The following GRIA3 variants were observed in gnomAD, a reference collection of about 807,000 sequenced individuals.
GRIA3 encodes glutamate ionotropic receptor AMPA type subunit 3, also known as glutamate receptor 3.
A neutral mutation model predicts 63.0 loss-of-function variants in GRIA3; 3 were observed. The ratio of observed to expected loss-of-function variants is 0.05; its 90% confidence interval spans 0.02 to 0.12. The LOEUF (loss-of-function observed/expected upper bound fraction) is 0.12. GRIA3 is among the 10% of genes least tolerant of loss of function. GRIA3 has a pLI of 1.00. For missense variants in GRIA3, 347 were observed against 700.9 expected (o/e 0.50, Z 5.70); for synonymous variants, 274 against 257.9 (o/e 1.06, Z -0.60).
intron 4 of GRIA3, among the ~76,000 whole-genome samples, chrX:123,341,829 T>C (rs1415840681): frequency 1.8e-5 from 2 of 112,385 alleles, no homozygotes; most frequent in African/African-American, 6.5e-5. Flanking sequence ...AGCAGGCTTA[T>C]ACTTTAAAAA....
intron 5 of GRIA3, among the ~76,000 whole-genome samples, chrX:123,376,718 G>C (rs2045286622): frequency 9.0e-6 from 1 of 110,884 alleles, no homozygotes; most frequent in Admixed American, 9.6e-5. Flanking sequence ...TATATAGAGA[G>C]ATCAGTAGGG....
intron 5 of GRIA3, among the ~76,000 whole-genome samples, chrX:123,366,624 A>C (rs1462037495): frequency 8.9e-6 from 1 of 112,170 alleles, no homozygotes; most frequent in East Asian, 2.8e-4. Flanking sequence ...ATTCCACAAC[A>C]GTAAAGCAAA....
intron 11 of GRIA3, among the ~76,000 whole-genome samples, chrX:123,425,595 C>A (rs2045585293): frequency 8.9e-6 from 1 of 112,012 alleles, no homozygotes; most frequent in African/African-American, 3.2e-5. Flanking sequence ...AATGCATAAT[C>A]AAAACACCCT....
At chrX:123,331,899 C>T (rs2044943792) in intron 4 of GRIA3, among the ~76,000 whole-genome samples, 1 of 111,521 alleles carries the variant, frequency 9.0e-6, no homozygotes, top group Admixed American at 9.6e-5. Context: ...TTGTGAGGAT[C>T]AAATAAGATT....
At chrX:123,186,974 G>A (rs775551623) in intron 2 of GRIA3, among the ~76,000 whole-genome samples, 4 of 112,301 alleles carry the variant, frequency 3.6e-5, no homozygotes, top group Non-Finnish European at 7.5e-5. Context: ...GGAATGTTTC[G>A]TGAGAAAGAC....
chrX:123,361,437 CT>C (rs950579885), intron 5 of GRIA3: 7 of 111,632 alleles, frequency 6.3e-5, no homozygotes, highest in African/African-American at 2.3e-4. Context: ...AAAATTCCCC[CT>C]GGTCCCAAAT....
chrX:123,301,473 T>C (rs1312845350), intron 3 of GRIA3, among the ~76,000 whole-genome samples: 2 of 111,506 alleles, frequency 1.8e-5, no homozygotes, highest in African/African-American at 6.5e-5. Flanking sequence ...TCCTAATCTA[T>C]AGAATGGAGA....
intron 2 of GRIA3, among the ~76,000 whole-genome samples, chrX:123,219,109 T>C (rs1414806163): frequency 9.0e-6 from 1 of 111,451 alleles, no homozygotes; most frequent in Admixed American, 9.5e-5. Context: ...ACAGAGGAGG[T>C]GCCTTGGCTG....
At chrX:123,202,568 T>C in intron 2 of GRIA3, 1 of 1,079,461 alleles carries the variant, frequency 9.3e-7, no homozygotes, top group South Asian at 2.1e-5. Context: ...AAGTGCCCCC[T>C]TTCCACCCTT....
intron 3 of GRIA3, among the ~76,000 whole-genome samples, chrX:123,261,649 G>A (rs770803586): frequency 1.8e-5 from 2 of 111,049 alleles, no homozygotes; most frequent in African/African-American, 6.5e-5. Flanking sequence ...CCCTATAGAA[G>A]GACAAATCTG....
At chrX:123,362,558 A>C (rs954079032) in intron 5 of GRIA3, among the ~76,000 whole-genome samples, 2 of 111,158 alleles carry the variant, frequency 1.8e-5, no homozygotes, top group Non-Finnish European at 3.8e-5. Context: ...ATTAGATGCC[A>C]GGTGGAAGAG....
At chrX:123,451,103 C>T (rs957581029) in intron 12 of GRIA3, among the ~76,000 whole-genome samples, 5 of 111,174 alleles carry the variant, frequency 4.5e-5, no homozygotes, top group Non-Finnish European at 9.4e-5. Flanking sequence ...GTCACTTAGC[C>T]GACTTTGAGC....
chrX:123,332,387 T>C (rs763661402), intron 4 of GRIA3, among the ~76,000 whole-genome samples: 1 of 111,992 alleles, frequency 8.9e-6, no homozygotes, highest in Non-Finnish European at 1.9e-5. Flanking sequence ...TATGTGTATA[T>C]ATGTGTATGC....
intron 3 of GRIA3, among the ~76,000 whole-genome samples, chrX:123,297,199 G>A (rs1441454250): frequency 5.4e-5 from 6 of 111,154 alleles, no homozygotes; most frequent in East Asian, 5.7e-4. Flanking sequence ...TGTGATTCCC[G>A]TGCATGTTAA....
chrX:123,403,356 G>A (rs2045453422), intron 8 of GRIA3, 56 bp from the exon 9 acceptor site: 1 of 780,582 alleles, frequency 1.3e-6, no homozygotes, highest in Admixed American at 2.2e-5. Context: ...TCAATTTCAT[G>A]CAGTACTTTT....
chrX:123,344,261 G>A (rs1436781969), intron 4 of GRIA3, among the ~76,000 whole-genome samples: 1 of 112,373 alleles, frequency 8.9e-6, no homozygotes, highest in African/African-American at 3.2e-5. Flanking sequence ...AGCAGATGCT[G>A]TTGGTGCCCT....
intron 3 of GRIA3, among the ~76,000 whole-genome samples, chrX:123,288,569 G>GA (rs1268631070): frequency 1.5e-4 from 16 of 109,017 alleles, no homozygotes; most frequent in African/African-American, 4.7e-4. Context: ...AAACTTACAG[G>GA]AAAAAAAACA....
intron 13 of GRIA3, among the ~76,000 whole-genome samples, chrX:123,466,228 G>A (rs1000568517): frequency 7.1e-5 from 8 of 111,906 alleles, no homozygotes; most frequent in South Asian, 7.4e-4. Flanking sequence ...AGGTTGGTTG[G>A]TTGAGTAAGG....
intron 2 of GRIA3, among the ~76,000 whole-genome samples, chrX:123,237,339 C>T (rs2044307071): frequency 9.0e-6 from 1 of 111,575 alleles, no homozygotes; most frequent in Non-Finnish European, 1.9e-5. Context: ...TTGTTGAACA[C>T]CTATTATGTA....
Sources: allele counts gnomAD v4.1 joint callset (sites outside exome capture counted in the v4.1 genomes callset), GRCh38; gene constraint gnomAD v4.1.1; transcripts MANE v1.5; gene names NCBI Gene and HGNC (gene_info 2026-07-23, HGNC 2026-07-21).